The following GREP1 variants were observed in gnomAD, a reference collection of about 807,000 sequenced individuals.
GREP1 encodes glycine rich extracellular protein 1.
intron 27 of GREP1, among the ~76,000 whole-genome samples, chr16:2,999,691 A>T (rs1472413300): frequency 6.6e-6 from 1 of 152,010 alleles, no homozygotes; most frequent in Non-Finnish European, 1.5e-5. Flanking sequence ...GCTTCAAGTG[A>T]TCAGCCCACC....
chr16:2,997,687 A>C (rs2072433468), intron 22 of GREP1, 116 bp from the exon 21 acceptor site: 1 of 398,248 alleles, frequency 2.5e-6, no homozygotes, highest in Non-Finnish European at 4.4e-6. Context: ...CCCACTGGTC[A>C]TGGACCAGGA....
At chr16:3,000,530 G>A (rs143392379) in intron 31 of GREP1, 184 bp from the exon 27 acceptor site, 72 of 399,188 alleles carry the variant, frequency 1.8e-4, no homozygotes, top group Non-Finnish European at 2.5e-4. Context: ...GGGGCTAGGC[G>A]GGAATGACCA....
In GREP1 at chr16:2,995,618, G is replaced by T. The variant is rs1289089864; in HGVS notation, c.554-1G>T. On this transcript the variant is annotated splice_acceptor_variant, in intron 15 of 34. Transcript: ENST00000573315. LOFTEE classifies it high-confidence loss of function. ...CCCACCCCACCCTCCTCTCCCCATAGTCTTGACAGCCCAGAACCGATTTGG... is the reference window on the plus strand; with the variant it reads ...CCCACCCCACCCTCCTCTCCCCATATTCTTGACAGCCCAGAACCGATTTGG... 40 of 398,810 alleles carry T rather than the reference G, an allele frequency of 1.0e-4. No homozygotes were observed. In the East Asian group the frequency reaches 1.4e-3, roughly 14 times the overall value. The allele number at this position is 398,810 out of a possible 1,614,324, so 24.7% of individuals were successfully genotyped here.
intron 7 of GREP1, among the ~76,000 whole-genome samples, 183 bp downstream of exon 6, chr16:2,990,770 G>A (rs1475372403): frequency 2.0e-5 from 3 of 152,144 alleles, no homozygotes; most frequent in Non-Finnish European, 4.4e-5. Flanking sequence ...GGGACGGTGA[G>A]GAGTTCTGAT....
chr16:2,995,982 G>T, intron 18 of GREP1: 1 of 395,664 alleles, frequency 2.5e-6, no homozygotes, highest in Non-Finnish European at 4.4e-6. Flanking sequence ...GCCCAGGCTG[G>T]AGTGCAGTGG....
chr16:3,000,434 C>T (rs1011037681), intron 30 of GREP1: 1 of 399,234 alleles, frequency 2.5e-6, no homozygotes, highest in Non-Finnish European at 4.4e-6. Flanking sequence ...TTTCCTCCTC[C>T]AGGGTTCCAT....
intron 34 of GREP1, 69 bp from the exon 29 acceptor site, chr16:3,001,492 G>A (rs960943391): frequency 5.8e-5 from 23 of 398,952 alleles, no homozygotes; most frequent in Non-Finnish European, 1.0e-4. Flanking sequence ...CAGGTCCCTG[G>A]GAGGGGAGGA....
chr16:2,999,727 C>T (rs1315733328), intron 27 of GREP1, among the ~76,000 whole-genome samples, 175 bp from the exon 25 acceptor site: 1 of 152,196 alleles, frequency 6.6e-6, no homozygotes, highest in African/African-American at 2.4e-5. Context: ...GCTGGGATTA[C>T]AGGCGTGAGC....
intron 18 of GREP1, 137 bp from the exon 18 acceptor site, chr16:2,996,359 T>C (rs1246651807): frequency 5.0e-6 from 2 of 396,926 alleles, no homozygotes; most frequent in Non-Finnish European, 8.9e-6. Flanking sequence ...TCTGCCTCTG[T>C]GTCTCTCTGT....
chr16:2,988,428 G>A (rs967599870), intron 1 of GREP1, 88 bp downstream of exon 1: 4 of 399,164 alleles, frequency 1.0e-5, no homozygotes, highest in African/African-American at 4.1e-5. Context: ...GCCAGATGCT[G>A]GGGTTCTGGA....
At chr16:2,996,516 C>T (rs992831031) in exon 19 of GREP1, 2 of 398,944 alleles carry the variant, frequency 5.0e-6, no homozygotes, top group African/African-American at 2.1e-5. Context: ...TGGAAATGGA[C>T]CGGGAGTCCA....
At chr16:2,995,764 G>A in exon 17 of GREP1, 1 of 398,714 alleles carries the variant, frequency 2.5e-6, no homozygotes, top group Middle Eastern at 6.3e-4. Flanking sequence ...TGAAGCCTCT[G>A]AAGCCAGGTG....
At position 2,992,757 on chromosome 16, in the gene GREP1, C is replaced by A; in HGVS notation, c.323-48C>A. On this transcript the variant is annotated intron_variant, in intron 8 of 34. Coordinates refer to ENST00000573315, the Ensembl canonical transcript of GREP1. The surrounding 1 kb of genome is among the most constrained non-coding windows in gnomAD (Gnocchi z 4.9). ...GAGGGCAGGGCTCCAGGCCCCAGCT[C>A]ATCCCCACTGCACCACCTTCCACAC... 2.5e-6 allele frequency: 1 copy of A among 399,254 alleles called. No homozygotes were observed. The highest frequency in any genetic ancestry group is 4.4e-6 in the Non-Finnish European group (1 of 226,278). The allele number at this position is 399,254 out of a possible 1,614,324, so 24.7% of individuals were successfully genotyped here. A position where few individuals can be genotyped will look rare whatever the true frequency, so the allele number is the denominator to read the frequency against.
At chr16:2,998,515 C>G (rs2072439889) in exon 25 of GREP1, 1 of 399,016 alleles carries the variant, frequency 2.5e-6, no homozygotes, top group Non-Finnish European at 4.4e-6. Context: ...GAAAATGGGC[C>G]CTGGCCAGGT....
Position 2,988,580 on chromosome 16 carries a change from G to A in GREP1, c.68-10G>A. ...CCCAGCCTTGAGTCAGCACTGTCTT[G>A]CTTCCGCAGGGCTGCCCCTTCTGCC... is the stretch of plus-strand genomic sequence containing the variant. On this transcript the variant is annotated splice_polypyrimidine_tract_variant and intron_variant, in intron 1 of 34. Coordinates refer to ENST00000573315, the Ensembl canonical transcript of GREP1. 1 of 399,188 alleles carries A rather than the reference G, an allele frequency of 2.5e-6. No homozygotes were observed. The highest frequency in any genetic ancestry group is 4.4e-6 in the Non-Finnish European group (1 of 226,162). The allele number at this position is 399,188 out of a possible 1,614,324, so 24.7% of individuals were successfully genotyped here.
chr16:2,996,431 G>C (rs999895382), intron 18 of GREP1, 65 bp from the exon 18 acceptor site: 1 of 398,782 alleles, frequency 2.5e-6, no homozygotes, highest in African/African-American at 2.1e-5. Flanking sequence ...TGTCTCTAGG[G>C]CTGCGTCCTC....
At chr16:2,997,989 G>A (rs2151107262) in intron 23 of GREP1, among the ~76,000 whole-genome samples, 154 bp downstream of exon 21, 1 of 151,836 alleles carries the variant, frequency 6.6e-6, no homozygotes, top group Admixed American at 6.6e-5. Context: ...AGGTGAGGGA[G>A]GTGGGTGGGA....
In GREP1 at chr16:2,989,591, G is replaced by GGGCAC. The variant is rs1310165224; in HGVS notation, c.130+42_130+46dup. The GGGCAC allele has an allele frequency of 2.5e-6, 1 of 399,978 alleles. No homozygotes were observed. The highest frequency in any genetic ancestry group is 4.4e-6 in the Non-Finnish European group (1 of 226,852). 24.8% of individuals were successfully genotyped at this position (399,978 alleles called of 1,614,324 possible). A position where few individuals can be genotyped will look rare whatever the true frequency, so the allele number is the denominator to read the frequency against. ...TAGGGAAGGGAGGCGTCTGAGGGCA[G>GGGCAC]GGCACGGGGCAGGGGGGAGGCAGGA... is the stretch of plus-strand genomic sequence containing the variant. On this transcript the variant is annotated intron_variant, in intron 3 of 34. Coordinates refer to ENST00000573315, the Ensembl canonical transcript of GREP1. This position sits in a 1 kb window ranked among gnomAD's most constrained non-coding sequence, Gnocchi z 4.2.
chr16:2,998,280 AG>A, intron 23 of GREP1, 75 bp from the exon 22 acceptor site: 1 of 398,874 alleles, frequency 2.5e-6, no homozygotes, highest in Admixed American at 4.4e-5. Flanking sequence ...TAGGGGGATC[AG>A]CAGGGGAGAG....
Sources: allele counts gnomAD v4.1 joint callset (sites outside exome capture counted in the v4.1 genomes callset), GRCh38; gene constraint gnomAD v4.1.1; non-coding constraint Gnocchi (gnomAD v3.1); transcripts MANE v1.5; gene names NCBI Gene and HGNC (gene_info 2026-07-23, HGNC 2026-07-21).